MECOM: variants seen among roughly 807,000 people sequenced by gnomAD.
The protein encoded by MECOM is MDS1 and EVI1 complex locus.
MECOM carries 13 observed loss-of-function variants against 116.3 expected under a neutral mutation model. The ratio of observed to expected loss-of-function variants is 0.11; its 90% CI spans 0.07 to 0.18. The LOEUF (loss-of-function observed/expected upper bound fraction) is 0.18. Ranked by LOEUF, MECOM falls within the 10% of genes least tolerant of loss-of-function variation. The pLI is 1.00. For missense variants in MECOM, 1,299 were observed against 1,509.0 expected (o/e 0.86, Z 2.31); for synonymous variants, 528 against 535.2 (o/e 0.99, Z 0.19).
chr3:169,576,838 C>CACACACACAGAGAGAGAG (rs368016499), intron 1 of MECOM, among the ~76,000 whole-genome samples: 6 of 125,004 alleles, frequency 4.8e-5, no homozygotes, highest in East Asian at 2.7e-4. Context: ...CACACACACA[C>CACACACACAGAGAGAGAG]AGAGAGAGAG....
At chr3:169,627,250 C>T (rs1227358989) in intron 1 of MECOM, among the ~76,000 whole-genome samples, 2 of 152,126 alleles carry the variant, frequency 1.3e-5, no homozygotes, top group Non-Finnish European at 2.9e-5. Flanking sequence ...AAGGGAGATG[C>T]GAAAGTCATT....
chr3:169,542,713 C>A (rs900158883), intron 1 of MECOM, among the ~76,000 whole-genome samples: 1 of 152,106 alleles, frequency 6.6e-6, no homozygotes, highest in Non-Finnish European at 1.5e-5. Flanking sequence ...GCATTCAATC[C>A]GGTGGCAACT....
At chr3:169,662,876 C>T (rs1209616296) in intron 1 of MECOM, among the ~76,000 whole-genome samples, 1 of 151,932 alleles carries the variant, frequency 6.6e-6, no homozygotes. Context: ...CCTGCCGGCC[C>T]CCCATCCCCC....
intron 2 of MECOM, among the ~76,000 whole-genome samples, chr3:169,377,714 A>G (rs968798092): frequency 6.6e-6 from 1 of 152,180 alleles, no homozygotes; most frequent in South Asian, 2.1e-4. Context: ...ATGATTTTAC[A>G]CTGTTGGTGG....
At chr3:169,260,632 A>G (rs936319168) in intron 2 of MECOM, among the ~76,000 whole-genome samples, 1 of 152,186 alleles carries the variant, frequency 6.6e-6, no homozygotes, top group African/African-American at 2.4e-5. Context: ...CCATATTCCA[A>G]CATGATCAAA....
intron 10 of MECOM, among the ~76,000 whole-genome samples, chr3:169,104,086 G>T (rs556132055): frequency 6.6e-6 from 1 of 152,302 alleles, no homozygotes; most frequent in African/African-American, 2.4e-5. Flanking sequence ...AGGGCTATAA[G>T]CTCAGGGGTT....
In MECOM at chr3:169,594,154, C is replaced by CAAAAA. The variant is rs34331048; in HGVS notation, c.37+69177_37+69181dup. ...CTCAACGACAACACCACCACCACCA[C>CAAAAA]AAAAAAAAAAAAAAAAAAAAAACAC... On this transcript the variant is annotated intron_variant, in intron 1 of 16. Coordinates refer to ENST00000651503, the MANE Select transcript of MECOM (RefSeq NM_004991.4). Among the ~76,000 whole-genome samples the CAAAAA allele has an allele frequency of 2.6e-4, 12 of 45,646 alleles. No homozygotes were observed. The East Asian group carries it at 3.7e-3, about 14-fold the overall frequency. The allele number at this position is 45,646 out of a possible 152,430, so 29.9% of individuals were successfully genotyped here.
intron 1 of MECOM, among the ~76,000 whole-genome samples, chr3:169,588,557 G>A (rs144243900): frequency 1.9e-3 from 293 of 152,236 alleles, no homozygotes; most frequent in African/African-American, 6.7e-3. Flanking sequence ...TTGTTTCTGC[G>A]TCAGACATAT....
At chr3:169,430,723 G>A (rs1468563531) in intron 1 of MECOM, among the ~76,000 whole-genome samples, 1 of 152,062 alleles carries the variant, frequency 6.6e-6, no homozygotes, top group African/African-American at 2.4e-5. Context: ...GCCTCCTTTA[G>A]CCATGAGTGC....
intron 2 of MECOM, among the ~76,000 whole-genome samples, chr3:169,327,867 A>G (rs1046003590): frequency 6.6e-6 from 1 of 152,194 alleles, no homozygotes; most frequent in African/African-American, 2.4e-5. Context: ...TGCTGATCCT[A>G]TAACACTCCA....
intron 1 of MECOM, among the ~76,000 whole-genome samples, chr3:169,420,372 C>A (rs962722661): frequency 2.0e-5 from 3 of 152,128 alleles, no homozygotes; most frequent in African/African-American, 7.2e-5. Context: ...CCCACCATGA[C>A]CACATCTTTA....
intron 1 of MECOM, among the ~76,000 whole-genome samples, chr3:169,495,537 T>G (rs1249379816): frequency 6.6e-6 from 1 of 152,238 alleles, no homozygotes; most frequent in African/African-American, 2.4e-5. Context: ...GAAAGAATGC[T>G]TGTTTCTTAG....
At chr3:169,376,230 TG>T (rs1731011546) in intron 2 of MECOM, among the ~76,000 whole-genome samples, 1 of 152,170 alleles carries the variant, frequency 6.6e-6, no homozygotes, top group Non-Finnish European at 1.5e-5. Flanking sequence ...TCATACTGAA[TG>T]GGCAAAAGCT....
At chr3:169,428,666 C>T (rs1184510857) in intron 1 of MECOM, among the ~76,000 whole-genome samples, 1 of 152,208 alleles carries the variant, frequency 6.6e-6, no homozygotes, top group East Asian at 1.9e-4. Flanking sequence ...TGAGGTCATA[C>T]ACACTCTATT....
chr3:169,472,722 AGGGG>A, intron 1 of MECOM, among the ~76,000 whole-genome samples: 1 of 84,800 alleles, frequency 1.2e-5, no homozygotes, highest in Non-Finnish European at 2.2e-5. Context: ...AAAGGGAGGG[AGGGG>A]GAAGGAAGGA....
chr3:169,369,224 T>C (rs1261884009), intron 2 of MECOM, among the ~76,000 whole-genome samples: 2 of 151,608 alleles, frequency 1.3e-5, no homozygotes, highest in African/African-American at 4.8e-5. Flanking sequence ...TATGTGAATG[T>C]AGGAAAGGGG....
chr3:169,334,142 T>C (rs1371103781), intron 2 of MECOM, among the ~76,000 whole-genome samples: 7 of 152,184 alleles, frequency 4.6e-5, no homozygotes, highest in Admixed American at 3.9e-4. Context: ...GAGTTAGTTA[T>C]TGGTTTTATT....
In MECOM at chr3:169,483,204, T is replaced by TA. The variant is rs1444779921; in HGVS notation, c.38-101681_38-101680insT. ...ACCATTGTTTTATTTTTATTTTTAT[T>TA]TTTTTTTTTTTTTTGCCCAGAAACC... On this transcript the variant is annotated intron_variant, in intron 1 of 16. Coordinates refer to ENST00000651503, the MANE Select transcript of MECOM (RefSeq NM_004991.4). 7.1e-5 allele frequency among the ~76,000 whole-genome samples: 8 copies of TA among 113,002 alleles called. No individual in the cohort carries two copies. In the South Asian group the frequency reaches 1.0e-3, roughly 15 times the overall value. 74.1% of individuals were successfully genotyped at this position (113,002 alleles called of 152,430 possible).
chr3:169,481,355 C>T (rs1751255386), intron 1 of MECOM, among the ~76,000 whole-genome samples: 2 of 152,088 alleles, frequency 1.3e-5, no homozygotes, highest in Admixed American at 6.5e-5. Context: ...GAATTCAAGA[C>T]CAGCCTGGCC....
Sources: gnomAD v4.1 joint callset for allele counts (sites outside exome capture counted in the v4.1 genomes callset) on GRCh38, gnomAD v4.1.1 for gene constraint, MANE v1.5 for transcripts, NCBI Gene and HGNC (gene_info 2026-07-23, HGNC 2026-07-21) for gene names.